LIX1: variants seen among roughly 807,000 people sequenced by gnomAD.
The protein encoded by LIX1 is limb and CNS expressed 1.
A neutral mutation model predicts 33.4 loss-of-function variants in LIX1; 24 were observed. That is an observed-to-expected ratio of 0.72 (90% CI 0.52 to 1.01). The LOEUF is 1.01. LIX1 is among the 50% of genes least tolerant of loss of function. The pLI is 0.00. For synonymous variants in LIX1, 124 were observed against 124.0 expected, an observed-to-expected ratio of 1.00 and a Z score of 0.00; for missense variants, 311 against 339.2, an observed-to-expected ratio of 0.92 and a Z score of 0.65.
At chr5:97,107,537 T>C in intron 2 of LIX1, 37 bp from the exon 3 acceptor site, 1 of 1,611,434 alleles carries the variant, frequency 6.2e-7, no homozygotes, top group Non-Finnish European at 8.5e-7. Flanking sequence ...CATTTGAGAA[T>C]TTAGCATTTC....
At chr5:97,141,294 A>G (rs748434776) in intron 1 of LIX1, among the ~76,000 whole-genome samples, 1 of 152,202 alleles carries the variant, frequency 6.6e-6, no homozygotes, top group Non-Finnish European at 1.5e-5. Flanking sequence ...CTTAAAAAAC[A>G]TAACAAACCT....
intron 2 of LIX1, among the ~76,000 whole-genome samples, chr5:97,117,432 T>C (rs1371718695): frequency 6.6e-6 from 1 of 152,224 alleles, no homozygotes; most frequent in Non-Finnish European, 1.5e-5. Flanking sequence ...AGGCCTTATT[T>C]AACGCTCAGC....
intron 2 of LIX1, among the ~76,000 whole-genome samples, chr5:97,123,788 C>A (rs1028864728): frequency 6.6e-6 from 1 of 152,192 alleles, no homozygotes; most frequent in Non-Finnish European, 1.5e-5. Flanking sequence ...CCTTATGCTT[C>A]CCTAATTCTG....
intron 3 of LIX1, among the ~76,000 whole-genome samples, chr5:97,106,023 T>C (rs1001308121): frequency 2.0e-5 from 3 of 152,246 alleles, no homozygotes; most frequent in African/African-American, 7.2e-5. Flanking sequence ...TTTATAGCTT[T>C]TGAATGCAAT....
At chr5:97,105,408 C>A (rs1746962475) in intron 3 of LIX1, 123 bp from the exon 4 acceptor site, 1 of 676,916 alleles carries the variant, frequency 1.5e-6, no homozygotes, top group African/African-American at 1.8e-5. Context: ...CAGATGTTCA[C>A]AACCAAGTCT....
intron 1 of LIX1, among the ~76,000 whole-genome samples, 163 bp downstream of exon 1, chr5:97,142,332 G>A (rs1748307401): frequency 6.6e-6 from 1 of 152,196 alleles, no homozygotes; most frequent in Admixed American, 6.5e-5. Context: ...TAGGTGAAAT[G>A]AAATCGTTCT....
At chr5:97,132,252 G>A (rs1748073093) in intron 1 of LIX1, among the ~76,000 whole-genome samples, 2 of 152,054 alleles carry the variant, frequency 1.3e-5, no homozygotes. Flanking sequence ...ATCCGACTGG[G>A]GAAATAATAT....
At chr5:97,109,657 T>C (rs1239335716) in intron 2 of LIX1, among the ~76,000 whole-genome samples, 1 of 152,132 alleles carries the variant, frequency 6.6e-6, no homozygotes, top group Non-Finnish European at 1.5e-5. Context: ...TTTCTGGGAA[T>C]GCGGTGATTT....
At chr5:97,133,736 A>AT (rs1415090495) in intron 1 of LIX1, among the ~76,000 whole-genome samples, 3 of 152,318 alleles carry the variant, frequency 2.0e-5, no homozygotes, top group East Asian at 1.9e-4. Context: ...GAAAATGTGG[A>AT]TTTTTTTGGT....
chr5:97,110,261 A>G (rs1747309910), intron 2 of LIX1, among the ~76,000 whole-genome samples: 1 of 152,156 alleles, frequency 6.6e-6, no homozygotes, highest in African/African-American at 2.4e-5. Context: ...TAATTACAAG[A>G]CTTTTGAAAT....
At chr5:97,108,396 T>C (rs1296283661) in intron 2 of LIX1, among the ~76,000 whole-genome samples, 1 of 152,226 alleles carries the variant, frequency 6.6e-6, no homozygotes, top group Non-Finnish European at 1.5e-5. Flanking sequence ...TGCTCCATCC[T>C]GCTAGACTGG....
chr5:97,096,797 T>G lies in LIX1; in HGVS notation c.561+13A>C, dbSNP rs533629123. 5.0e-6 allele frequency: 8 copies of G among 1,596,700 alleles called. No individual in the cohort carries two copies. The South Asian group carries it at 6.6e-5, about 13-fold the overall frequency. Reference sequence around the variant, plus strand: ...CATATAACACAGACTTAGACTTGATTAGAAAATCTTACCTGTCGGGAACAC... The same window carrying G: ...CATATAACACAGACTTAGACTTGATGAGAAAATCTTACCTGTCGGGAACAC... On this transcript the variant is annotated intron_variant, in intron 5 of 5. Coordinates refer to ENST00000274382, the MANE Select transcript of LIX1 (RefSeq NM_153234.5).
intron 2 of LIX1, among the ~76,000 whole-genome samples, chr5:97,119,534 G>A (rs1399050917): frequency 2.0e-5 from 3 of 152,118 alleles, no homozygotes; most frequent in Non-Finnish European, 4.4e-5. Context: ...GCCAGATTTG[G>A]CAGCCAACCA....
rs561664053 is a variant in LIX1 at position 97,115,860 on chromosome 5, G to A, written c.247-8360C>T. Among the ~76,000 whole-genome samples the A allele has an allele frequency of 9.9e-5, 15 of 152,268 alleles. No homozygotes were observed. In the South Asian group the frequency reaches 2.7e-3, roughly 27 times the overall value. On this transcript the variant is annotated intron_variant, in intron 2 of 5. Coordinates refer to ENST00000274382, the MANE Select transcript of LIX1 (RefSeq NM_153234.5). ...CCATCTTCTCTGGGGTCAAGGGCAGGTCAGTGTTATTTAGGTGGCATTTAT... is the reference window on the plus strand; with the variant it reads ...CCATCTTCTCTGGGGTCAAGGGCAGATCAGTGTTATTTAGGTGGCATTTAT...
chr5:97,137,625 G>A (rs1748199655), intron 1 of LIX1, among the ~76,000 whole-genome samples: 2 of 152,138 alleles, frequency 1.3e-5, no homozygotes, highest in Admixed American at 6.5e-5. Flanking sequence ...CCATAGTTTA[G>A]ATGCTAAAAT....
intron 1 of LIX1, among the ~76,000 whole-genome samples, chr5:97,130,290 C>A (rs969982962): frequency 6.6e-6 from 1 of 152,234 alleles, no homozygotes; most frequent in Admixed American, 6.5e-5. Flanking sequence ...TGCCTTCCAC[C>A]TCAGGGTCAG....
At chr5:97,129,960 T>C (rs763986250) in intron 1 of LIX1, among the ~76,000 whole-genome samples, 5 of 152,252 alleles carry the variant, frequency 3.3e-5, no homozygotes, top group African/African-American at 4.8e-5. Flanking sequence ...GAAAAGACTT[T>C]ATTTGCACAT....
intron 4 of LIX1, among the ~76,000 whole-genome samples, chr5:97,099,487 T>C (rs914762594): frequency 6.6e-6 from 1 of 152,210 alleles, no homozygotes; most frequent in African/African-American, 2.4e-5. Flanking sequence ...TTTTATGTCT[T>C]ATAAAGATCC....
intron 1 of LIX1, among the ~76,000 whole-genome samples, chr5:97,132,216 C>CG (rs1748072037): frequency 6.6e-6 from 1 of 152,092 alleles, no homozygotes; most frequent in African/African-American, 2.4e-5. Context: ...AAATCCAAGA[C>CG]GGGTCTCTGC....
Sources: allele counts gnomAD v4.1 joint callset (sites outside exome capture counted in the v4.1 genomes callset), GRCh38; gene constraint gnomAD v4.1.1; transcripts MANE v1.5; gene names NCBI Gene and HGNC (gene_info 2026-07-23, HGNC 2026-07-21).